TRPM2: variants seen among roughly 807,000 people sequenced by gnomAD.
The protein encoded by TRPM2 is transient receptor potential cation channel subfamily M member 2, also known as estrogen-responsive element-associated gene 1 protein.
TRPM2 carries 161 observed loss-of-function variants against 174.0 expected under a neutral mutation model. That is an observed-to-expected ratio of 0.93 (90% confidence interval 0.81 to 1.05). TRPM2 has a LOEUF of 1.05. TRPM2 is among the 50% of genes least tolerant of loss of function. TRPM2 has a pLI of 0.00. For missense variants in TRPM2, 2,057 were observed against 2,038.0 expected (o/e 1.01, Z -0.18); for synonymous variants, 954 against 861.3 (o/e 1.11, Z -1.88).
At chr21:44,360,288 G>A (rs970770997) in intron 2 of TRPM2, among the ~76,000 whole-genome samples, 1 of 152,226 alleles carries the variant, frequency 6.6e-6, no homozygotes, top group South Asian at 2.1e-4. Flanking sequence ...CAGAGTAGCA[G>A]GTCCTGAAGG....
At chr21:44,435,467 T>G (rs1683088382) in intron 28 of TRPM2, among the ~76,000 whole-genome samples, 1 of 151,914 alleles carries the variant, frequency 6.6e-6, no homozygotes, top group Admixed American at 6.6e-5. Flanking sequence ...GGGGCTGCCT[T>G]CACTTTCCTG....
Position 44,369,196 on chromosome 21 carries a change from G to C in TRPM2, c.624G>C (p.Gly208=). 6.2e-7 allele frequency: 1 copy of C among 1,611,314 alleles called. No individual in the cohort carries two copies. Among genetic ancestry groups the C allele is most frequent in the African/African-American group, 1.3e-5 (1 of 75,006 alleles). Residue 208 remains glycine, a synonymous_variant, in exon 5 of 32, where the codon GGG becomes GGC. Coordinates refer to ENST00000397928, the MANE Select transcript of TRPM2 (RefSeq NM_003307.4). Reference sequence around the variant, plus strand: ...CCCCAGGGGCCTGGATCATCACAGGGGGGTCCCACACCGGCGTCATGAAGC... The same window carrying C: ...CCCCAGGGGCCTGGATCATCACAGGCGGGTCCCACACCGGCGTCATGAAGC... ...AQTTGAWIIT[G]GSHTGVMKQV... is the part of the protein sequence containing the mutation.
At chr21:44,395,975 A>C (rs534761889) in intron 12 of TRPM2, among the ~76,000 whole-genome samples, 6 of 8,804 alleles carry the variant, frequency 6.8e-4, no homozygotes, top group African/African-American at 2.0e-3. Context: ...GCTGTGGAGG[A>C]TGTGGAGGGG....
chr21:44,393,841 C>G (rs1242750363), intron 11 of TRPM2, among the ~76,000 whole-genome samples: 1 of 151,636 alleles, frequency 6.6e-6, no homozygotes. Context: ...CTCTGTCTGA[C>G]TCTTGAGAAA....
chr21:44,436,671 T>G (rs1250660163), intron 28 of TRPM2, among the ~76,000 whole-genome samples: 1 of 128,364 alleles, frequency 7.8e-6, no homozygotes, highest in Non-Finnish European at 1.6e-5. Flanking sequence ...ACCCCCAGGC[T>G]GCACTCAGCA....
intron 19 of TRPM2, among the ~76,000 whole-genome samples, chr21:44,409,604 C>G (rs561966703): frequency 1.4e-5 from 2 of 142,498 alleles, no homozygotes; most frequent in East Asian, 4.2e-4. Flanking sequence ...GTTGGCGTAG[C>G]CTTGTAGTGA....
chr21:44,410,387 T>TTG (rs2050065821), intron 19 of TRPM2, among the ~76,000 whole-genome samples: 1 of 71,764 alleles, frequency 1.4e-5, no homozygotes, highest in Non-Finnish European at 3.0e-5. Context: ...ACTGTCTTGG[T>TTG]GTAGCCTTGT....
Position 44,366,793 on chromosome 21 carries a change from T to C in TRPM2, c.463T>C (p.Tyr155His). 1 of 1,613,726 alleles carries C rather than the reference T, an allele frequency of 6.2e-7. No individual in the cohort carries two copies. The highest frequency in any genetic ancestry group is 8.5e-7 in the Non-Finnish European group (1 of 1,179,958). Residue 155 changes from tyrosine (Y) to histidine (H), a missense_variant, in exon 4 of 32, where the codon TAC becomes CAC. Tyr to His is a moderately conservative substitution (Grantham distance 83). Transcript: ENST00000397928. The surrounding 1 kb of genome is among the most constrained non-coding windows in gnomAD (Gnocchi z 6.0). ...VSQDTPSSVI[Y>H]HLMTQHWGLD... is the part of the protein sequence containing the mutation. ...CCAGGACACGCCCTCCAGCGTGATC[T>C]ACCACCTCATGACCCAGCACTGGGG...
Position 44,366,736 on chromosome 21 carries a change from G to A in TRPM2, c.424-18G>A, listed in dbSNP as rs747005545. 7.4e-6 allele frequency: 12 copies of A among 1,613,522 alleles called. No homozygotes were observed. Among genetic ancestry groups the A allele is most frequent in the South Asian group, 6.6e-5 (6 of 91,072 alleles). The stretch of plus-strand genomic sequence containing the variant: ...CACTGACACACAGGTTCCCTCCGCC[G>A]TTTTCCCTTTCCCGCAGTACGTCCG... On this transcript the variant is annotated intron_variant, in intron 3 of 31. Transcript: ENST00000397928. This position sits in a 1 kb window ranked among gnomAD's most constrained non-coding sequence, Gnocchi z 6.0.
At position 44,353,693 on chromosome 21, in the gene TRPM2, G is replaced by T. The variant is rs1744728817; in HGVS notation, c.-8G>T. 6.7e-7 allele frequency: 1 copy of T among 1,488,752 alleles called. No individual in the cohort carries two copies. The highest frequency in any genetic ancestry group is 8.9e-7 in the Non-Finnish European group (1 of 1,122,434). The allele number at this position is 1,488,752 out of a possible 1,614,324, so 92.2% of individuals were successfully genotyped here. On this transcript the variant is annotated 5_prime_UTR_variant, in exon 1 of 32. Coordinates refer to ENST00000397928, the MANE Select transcript of TRPM2 (RefSeq NM_003307.4). ...AGGCCTGGTTGCAGCTGGCGTGGGG[G>T]TCTCAGAATGGAGCCCTCAGCCCTG...
chr21:44,421,610 A>G (rs999241804), intron 22 of TRPM2, among the ~76,000 whole-genome samples: 22 of 152,038 alleles, frequency 1.4e-4, no homozygotes, highest in Non-Finnish European at 2.4e-4. Context: ...CATCTCTACA[A>G]AAAATAAAAA....
chr21:44,427,194 C>A (rs2050830881), intron 27 of TRPM2, 83 bp downstream of exon 27: 1 of 1,183,460 alleles, frequency 8.4e-7, no homozygotes, highest in South Asian at 1.5e-5. Context: ...GCAAAGGAAG[C>A]ATTTTTCTCA....
intron 15 of TRPM2, among the ~76,000 whole-genome samples, chr21:44,401,369 G>T (rs998077826): frequency 1.3e-5 from 2 of 152,284 alleles, no homozygotes; most frequent in East Asian, 3.9e-4. Context: ...TGGGCTTGGG[G>T]CAGGCTGGGC....
Position 44,405,914 on chromosome 21 carries a change from G to A in TRPM2, c.2667G>A (p.Pro889=), listed in dbSNP as rs144737187. 287 of 1,603,400 alleles carry A rather than the reference G, an allele frequency of 1.8e-4. No individual in the cohort carries two copies. In the African/African-American group the frequency reaches 3.1e-3, roughly 17 times the overall value. The part of the protein sequence containing the change: ...FVAGLTCRLI[P]ATLYPGRVIL... ...TCTGCCCGGCGGCCAGGCTCATCCC[G>A]GCGACGCTGTACCCCGGGCGCGTCA... Residue 889 remains proline (P), a synonymous_variant, in exon 18 of 32, where the codon CCG becomes CCA. Coordinates refer to ENST00000397928, the MANE Select transcript of TRPM2 (RefSeq NM_003307.4).
chr21:44,440,941 A>C, intron 31 of TRPM2, 36 bp downstream of exon 31: 1 of 1,592,820 alleles, frequency 6.3e-7, no homozygotes, highest in Non-Finnish European at 8.6e-7. Flanking sequence ...GGGAGTGGGG[A>C]GGCAGGGACG....
chr21:44,421,135 T>C (rs2238723), intron 22 of TRPM2, among the ~76,000 whole-genome samples: 32,343 of 152,040 alleles, frequency 0.21, 3,796 homozygotes, highest in South Asian at 0.33. Flanking sequence ...CTGGCTAACA[T>C]GGTGAAACCT....
chr21:44,405,606 C>G (rs1177834731), intron 17 of TRPM2, among the ~76,000 whole-genome samples: 4 of 152,128 alleles, frequency 2.6e-5, no homozygotes, highest in African/African-American at 9.7e-5. Context: ...CTGTGATGCT[C>G]TCGTGTCTCT....
At chr21:44,398,146 G>A (rs777745212) in intron 13 of TRPM2, among the ~76,000 whole-genome samples, 2 of 152,122 alleles carry the variant, frequency 1.3e-5, no homozygotes, top group South Asian at 2.1e-4. Flanking sequence ...ACACAGAGCC[G>A]GCTGAATGGG....
At chr21:44,419,476 A>G (rs1451032239) in intron 22 of TRPM2, among the ~76,000 whole-genome samples, 2 of 109,172 alleles carry the variant, frequency 1.8e-5, no homozygotes, top group Non-Finnish European at 4.0e-5. Context: ...GGATCTGCTA[A>G]CGTGGCTGGT....
Sources: allele counts gnomAD v4.1 joint callset (sites outside exome capture counted in the v4.1 genomes callset), GRCh38; gene constraint gnomAD v4.1.1; non-coding constraint Gnocchi (gnomAD v3.1); transcripts MANE v1.5; gene names NCBI Gene and HGNC (gene_info 2026-07-23, HGNC 2026-07-21).